MARCHF8: variants seen among roughly 807,000 people sequenced by gnomAD.
MARCHF8 encodes E3 ubiquitin-protein ligase MARCHF8.
In MARCHF8, 40 loss-of-function variants were observed where a neutral mutation model predicts 51.6. The ratio of observed to expected loss-of-function variants is 0.77; its 90% CI spans 0.60 to 1.01. The LOEUF (loss-of-function observed/expected upper bound fraction) is 1.01. Ranked by LOEUF, MARCHF8 falls within the 50% of genes least tolerant of loss-of-function variation. MARCHF8 has a pLI of 0.00. For missense variants in MARCHF8, 685 were observed against 708.6 expected (o/e 0.97, Z 0.38); for synonymous variants, 263 against 280.3 (o/e 0.94, Z 0.62).
intron 2 of MARCHF8, among the ~76,000 whole-genome samples, chr10:45,489,802 T>C (rs892677137): frequency 1.3e-5 from 2 of 152,162 alleles, no homozygotes; most frequent in African/African-American, 4.8e-5. Context: ...TGCTCAGTTG[T>C]ATGTGACACA....
At chr10:45,545,746 C>T (rs1015838656) in intron 1 of MARCHF8, among the ~76,000 whole-genome samples, 1 of 152,154 alleles carries the variant, frequency 6.6e-6, no homozygotes, top group African/African-American at 2.4e-5. Context: ...AGCTTGCTAT[C>T]CAACAGCTGA....
Position 45,457,220 on chromosome 10 carries a change from A to G in MARCHF8, c.*1019T>C, listed in dbSNP as rs1011929682. The G allele has an allele frequency of 4.0e-5, 6 of 151,604 alleles. No homozygotes were observed. The highest frequency in any genetic ancestry group is 1.5e-4 in the African/African-American group (6 of 41,184). 9.4% of individuals were successfully genotyped at this position (151,604 alleles called of 1,614,324 possible). On this transcript the variant is annotated 3_prime_UTR_variant, in exon 8 of 8. Transcript: ENST00000453424. ...ACTGGAGAGATTTAACTATAAAGGA[A>G]TATTTTTTAAATATTCAGTTTTGTT... is the stretch of plus-strand genomic sequence containing the variant.
At chr10:45,517,547 G>C (rs756022975) in intron 2 of MARCHF8, among the ~76,000 whole-genome samples, 1 of 152,148 alleles carries the variant, frequency 6.6e-6, no homozygotes, top group African/African-American at 2.4e-5. Flanking sequence ...CGCCATATGA[G>C]ACAACACTCT....
chr10:45,549,408 C>T (rs879052927), intron 1 of MARCHF8, among the ~76,000 whole-genome samples: 2 of 152,218 alleles, frequency 1.3e-5, no homozygotes, highest in Non-Finnish European at 2.9e-5. Flanking sequence ...AAGGCTGCTT[C>T]GCTGGGCTCA....
At chr10:45,544,277 A>G (rs1411830209) in intron 1 of MARCHF8, among the ~76,000 whole-genome samples, 1 of 152,232 alleles carries the variant, frequency 6.6e-6, no homozygotes, top group Non-Finnish European at 1.5e-5. Flanking sequence ...TGGTGAGAAT[A>G]TAAATTGGTA....
chr10:45,510,052 G>C (rs920563444), intron 2 of MARCHF8, among the ~76,000 whole-genome samples: 12 of 152,218 alleles, frequency 7.9e-5, no homozygotes, highest in African/African-American at 2.6e-4. Flanking sequence ...AGACAGAATG[G>C]GATAGAGTAG....
intron 2 of MARCHF8, among the ~76,000 whole-genome samples, chr10:45,499,921 T>C (rs1386620118): frequency 6.6e-6 from 1 of 152,178 alleles, no homozygotes; most frequent in Non-Finnish European, 1.5e-5. Context: ...TCAGGATCCC[T>C]TGTGATTCCA....
At chr10:45,480,126 T>C (rs775408642) in intron 3 of MARCHF8, among the ~76,000 whole-genome samples, 1 of 152,192 alleles carries the variant, frequency 6.6e-6, no homozygotes, top group Non-Finnish European at 1.5e-5. Flanking sequence ...TTGCCCCTGA[T>C]GTGTGGAACT....
chr10:45,474,204 A>G (rs1266590491), intron 3 of MARCHF8, among the ~76,000 whole-genome samples: 1 of 152,152 alleles, frequency 6.6e-6, no homozygotes, highest in Non-Finnish European at 1.5e-5. Flanking sequence ...CCTTGTCTCC[A>G]TGTTAGAGAT....
intron 1 of MARCHF8, among the ~76,000 whole-genome samples, chr10:45,586,672 T>C (rs2133438440): frequency 1.3e-5 from 2 of 152,256 alleles, no homozygotes; most frequent in Middle Eastern, 6.8e-3. Flanking sequence ...ACCCTTCTTG[T>C]AGGCAAAAAG....
chr10:45,573,678 A>G (rs1282557856), intron 1 of MARCHF8, among the ~76,000 whole-genome samples: 1 of 152,158 alleles, frequency 6.6e-6, no homozygotes, highest in Non-Finnish European at 1.5e-5. Context: ...GTGGCTAAAG[A>G]CTGATGCTGC....
At chr10:45,543,797 C>CAAAAAAAAAA (rs35514763) in intron 1 of MARCHF8, among the ~76,000 whole-genome samples, 4 of 49,734 alleles carry the variant, frequency 8.0e-5, no homozygotes, top group Non-Finnish European at 1.1e-4. Context: ...GACTCCGTCT[C>CAAAAAAAAAA]AAAAAAAAAA....
intron 1 of MARCHF8, among the ~76,000 whole-genome samples, chr10:45,584,894 G>T (rs543913387): frequency 6.6e-6 from 1 of 152,168 alleles, no homozygotes; most frequent in African/African-American, 2.4e-5. Flanking sequence ...AGCTGAGAAC[G>T]ACCATCAGCT....
chr10:45,479,832 G>GT (rs1181051229), intron 3 of MARCHF8, among the ~76,000 whole-genome samples: 2 of 152,212 alleles, frequency 1.3e-5, no homozygotes, highest in African/African-American at 4.8e-5. Context: ...ATTGGTACCA[G>GT]TAAGTGGGGT....
At position 45,501,088 on chromosome 10, in the gene MARCHF8, C is replaced by T. The variant is rs1275330429; in HGVS notation, c.103-11671G>A. On this transcript the variant is annotated intron_variant, in intron 2 of 7. Transcript: ENST00000453424. ...AATTCAATATAATGTAAGCTGACAA[C>T]TCTTCCCCAAATTGATAAACAGCTT... 2.0e-5 allele frequency among the ~76,000 whole-genome samples: 3 copies of T among 151,864 alleles called. No individual in the cohort carries two copies. In the East Asian group the frequency reaches 5.8e-4, roughly 29 times the overall value.
At chr10:45,511,450 G>C (rs958497818) in intron 2 of MARCHF8, among the ~76,000 whole-genome samples, 19 of 152,124 alleles carry the variant, frequency 1.2e-4, no homozygotes, top group Non-Finnish European at 1.9e-4. Flanking sequence ...GTCTCCCTCT[G>C]ATGCCGAGCC....
At chr10:45,480,404 G>C (rs1589100107) in intron 3 of MARCHF8, among the ~76,000 whole-genome samples, 1 of 152,142 alleles carries the variant, frequency 6.6e-6, no homozygotes, top group Non-Finnish European at 1.5e-5. Flanking sequence ...AACTCAATGG[G>C]GGAAAATGTC....
intron 2 of MARCHF8, among the ~76,000 whole-genome samples, chr10:45,502,210 A>G (rs2043293622): frequency 6.6e-6 from 1 of 152,218 alleles, no homozygotes; most frequent in African/African-American, 2.4e-5. Flanking sequence ...GTCCTTCAAC[A>G]GGTAAACGGT....
chr10:45,584,126 CATATATATATATAT>C (rs55978063), intron 1 of MARCHF8, among the ~76,000 whole-genome samples: 2,605 of 85,360 alleles, frequency 0.031, 127 homozygotes, highest in African/African-American at 0.1. Flanking sequence ...TATATACAAT[CATATATATATATAT>C]ATATATATAT....
Sources: allele counts gnomAD v4.1 joint callset (sites outside exome capture counted in the v4.1 genomes callset), GRCh38; gene constraint gnomAD v4.1.1; transcripts MANE v1.5; gene names NCBI Gene and HGNC (gene_info 2026-07-23, HGNC 2026-07-21).